MTF1: variants seen among roughly 807,000 people sequenced by gnomAD.
The protein encoded by MTF1 is MRE-binding transcription factor.
In MTF1, 22 loss-of-function variants were observed where a neutral mutation model predicts 70.4. The observed-to-expected ratio is 0.31, with a 90% CI of 0.22 to 0.45. MTF1 has a LOEUF of 0.45. MTF1 is among the 20% of genes least tolerant of loss of function. MTF1 has a pLI of 1.00. For missense variants in MTF1, 649 were observed against 922.0 expected, an observed-to-expected ratio of 0.70 and a Z score of 3.83; for synonymous variants, 333 against 352.8, an observed-to-expected ratio of 0.94 and a Z score of 0.63.
chr1:37,859,557 G>A lies in MTF1; in HGVS notation c.-78C>T, dbSNP rs539237343. 8 of 399,084 alleles carry A rather than the reference G, an allele frequency of 2.0e-5. No individual in the cohort carries two copies. In the South Asian group the frequency reaches 8.9e-4, roughly 44 times the overall value. 24.7% of individuals were successfully genotyped at this position (399,084 alleles called of 1,614,324 possible). The stretch of plus-strand genomic sequence containing the variant: ...TCCGCGGCTCCCGGCAACGGCGGCA[G>A]CAGCAGCTTCTCCCCTCCCCAGCGG... On this transcript the variant is annotated 5_prime_UTR_variant, in exon 1 of 11. Coordinates refer to ENST00000373036, the MANE Select transcript of MTF1 (RefSeq NM_005955.3).
At chr1:37,846,896 C>T (rs2148418887) in intron 2 of MTF1, among the ~76,000 whole-genome samples, 1 of 152,316 alleles carries the variant, frequency 6.6e-6, no homozygotes. Context: ...CTTCTGGGCA[C>T]CTAGCACATG....
chr1:37,819,052 G>A (rs980073230), intron 9 of MTF1, among the ~76,000 whole-genome samples: 4 of 151,604 alleles, frequency 2.6e-5, no homozygotes, highest in Non-Finnish European at 5.9e-5. Context: ...TCAACCCCTC[G>A]CCATGTGATG....
At chr1:37,822,966 G>T (rs1640941477) in intron 8 of MTF1, among the ~76,000 whole-genome samples, 1 of 152,152 alleles carries the variant, frequency 6.6e-6, no homozygotes, top group Admixed American at 6.5e-5. Context: ...AGTGTCTTAA[G>T]GCTTTTCTGG....
At chr1:37,832,169 C>T (rs1228100581) in intron 7 of MTF1, 76 bp downstream of exon 7, 3 of 925,132 alleles carry the variant, frequency 3.2e-6, no homozygotes, top group African/African-American at 3.3e-5. Flanking sequence ...GACTGGCCTG[C>T]CTCAATTTTC....
In MTF1 at chr1:37,818,463, G is replaced by A. The variant is rs189894837; in HGVS notation, c.1768-981C>T. Among the ~76,000 whole-genome samples, 472 of 152,250 alleles carry A rather than the reference G, an allele frequency of 3.1e-3. 4 individuals are homozygous for A. The highest frequency in any genetic ancestry group is 5.8e-3 in the Non-Finnish European group (396 of 68,018). ...CTCACGCCTGTAATCCCAGCACTTT[G>A]GGAAGCCGAGGCGGGTGAATCACAA... On this transcript the variant is annotated intron_variant, in intron 9 of 10. Transcript: ENST00000373036.
intron 10 of MTF1, among the ~76,000 whole-genome samples, chr1:37,816,185 C>T (rs771302132): frequency 4.6e-5 from 7 of 152,178 alleles, no homozygotes; most frequent in Non-Finnish European, 5.9e-5. Context: ...ATGTGTTGTA[C>T]GAACACTTGC....
chr1:37,857,155 ATGCACTCCT>A, intron 2 of MTF1, 87 bp downstream of exon 2: 1 of 1,236,150 alleles, frequency 8.1e-7, no homozygotes, highest in South Asian at 1.4e-5. Flanking sequence ...TCCTAACCCC[ATGCACTCCT>A]TTACTCCCCA....
At chr1:37,851,734 G>A (rs1199818421) in intron 2 of MTF1, among the ~76,000 whole-genome samples, 3 of 152,044 alleles carry the variant, frequency 2.0e-5, no homozygotes, top group African/African-American at 7.2e-5. Flanking sequence ...CACTGATGGA[G>A]GATGGCCTAA....
In MTF1 at chr1:37,822,102, A is replaced by C. The variant is rs1363983525; in HGVS notation, c.1767+19T>G. On this transcript the variant is annotated intron_variant, in intron 9 of 10. Transcript: ENST00000373036. Reference sequence around the variant, plus strand: ...AAATACACTTCACCCCACTGGGTATATTCATACATAATACTTACAATTTGT... The same window carrying C: ...AAATACACTTCACCCCACTGGGTATCTTCATACATAATACTTACAATTTGT... 1 of 1,552,582 alleles carries C rather than the reference A, an allele frequency of 6.4e-7. No homozygotes were observed. The highest frequency in any genetic ancestry group is 8.8e-7 in the Non-Finnish European group (1 of 1,141,300).
chr1:37,820,610 G>C (rs1640895455), intron 9 of MTF1, among the ~76,000 whole-genome samples: 1 of 152,224 alleles, frequency 6.6e-6, no homozygotes, highest in African/African-American at 2.4e-5. Flanking sequence ...TGCTAGGGGA[G>C]AGGGAAGTGG....
intron 2 of MTF1, among the ~76,000 whole-genome samples, chr1:37,853,466 TG>T (rs1169877622): frequency 1.3e-5 from 2 of 152,242 alleles, no homozygotes; most frequent in Admixed American, 6.5e-5. Flanking sequence ...TGGCTGCTTT[TG>T]TGCTACAATG....
intron 7 of MTF1, among the ~76,000 whole-genome samples, chr1:37,831,577 A>C (rs2148408498): frequency 6.6e-6 from 1 of 152,246 alleles, no homozygotes; most frequent in Non-Finnish European, 1.5e-5. Context: ...GAGGCTGCAT[A>C]AGCTCAGACT....
chr1:37,815,686 CCA>C lies in MTF1; in HGVS notation c.1832-122_1832-121del, dbSNP rs1392466696. On this transcript the variant is annotated intron_variant, in intron 10 of 10. Transcript: ENST00000373036. This position sits in a 1 kb window ranked among gnomAD's most constrained non-coding sequence, Gnocchi z 4.5. ...ATGGGAACCATGGGAAGGATGGTTG[CCA>C]CACTTCGGGCTTCGTTCTGCTTTAA... is the stretch of plus-strand genomic sequence containing the variant. The C allele has an allele frequency of 1.3e-6, 1 of 747,336 alleles. No individual in the cohort carries two copies. Among genetic ancestry groups the C allele is most frequent in the Non-Finnish European group, 2.1e-6 (1 of 474,728 alleles). 46.3% of individuals were successfully genotyped at this position (747,336 alleles called of 1,614,324 possible).
At chr1:37,854,380 A>T (rs577291463) in intron 2 of MTF1, among the ~76,000 whole-genome samples, 26 of 152,240 alleles carry the variant, frequency 1.7e-4, no homozygotes, top group Non-Finnish European at 3.2e-4. Context: ...AGCTGCATAC[A>T]TGAGAATAAT....
chr1:37,838,622 T>C lies in MTF1; in HGVS notation c.779+3A>G, dbSNP rs1317670229. On this transcript the variant is annotated splice_donor_region_variant and intron_variant, in intron 4 of 10. Transcript: ENST00000373036. Reference sequence around the variant, plus strand: ...GTGACAAATAGAAAACAGTAAGACCTACCGAAATGGCTTTTCCCCTGTATG... The same window carrying C: ...GTGACAAATAGAAAACAGTAAGACCCACCGAAATGGCTTTTCCCCTGTATG... The C allele has an allele frequency of 6.2e-7, 1 of 1,610,538 alleles. No individual in the cohort carries two copies. Among genetic ancestry groups the C allele is most frequent in the African/African-American group, 1.3e-5 (1 of 74,944 alleles).
chr1:37,856,954 TA>T (rs1453297431), intron 2 of MTF1, among the ~76,000 whole-genome samples: 1 of 152,230 alleles, frequency 6.6e-6, no homozygotes, highest in African/African-American at 2.4e-5. Context: ...ATAAGCTAAA[TA>T]GTTATTTTAG....
intron 2 of MTF1, among the ~76,000 whole-genome samples, chr1:37,849,724 C>T (rs1260719598): frequency 6.6e-6 from 1 of 152,050 alleles, no homozygotes; most frequent in Non-Finnish European, 1.5e-5. Flanking sequence ...CACAAACCAA[C>T]TAAAGAAAAC....
intron 2 of MTF1, among the ~76,000 whole-genome samples, chr1:37,848,187 C>T (rs1166594205): frequency 2.6e-5 from 4 of 152,122 alleles, no homozygotes; most frequent in African/African-American, 9.7e-5. Context: ...ACCTCTTTAC[C>T]TCCTTCAAGA....
At chr1:37,851,857 T>A (rs1641422461) in intron 2 of MTF1, among the ~76,000 whole-genome samples, 4 of 147,524 alleles carry the variant, frequency 2.7e-5, no homozygotes, top group Admixed American at 2.0e-4. Context: ...ACCAAACTTA[T>A]TTAAAAAAAA....
Sources: allele counts gnomAD v4.1 joint callset (sites outside exome capture counted in the v4.1 genomes callset), GRCh38; gene constraint gnomAD v4.1.1; non-coding constraint Gnocchi (gnomAD v3.1); transcripts MANE v1.5; gene names NCBI Gene and HGNC (gene_info 2026-07-23, HGNC 2026-07-21).